The following HEPH variants were observed in gnomAD, a reference collection of about 807,000 sequenced individuals.
The protein encoded by HEPH is hephaestin.
A neutral mutation model predicts 80.8 loss-of-function variants in HEPH; 69 were observed. The ratio of observed to expected loss-of-function variants is 0.85; its 90% CI spans 0.70 to 1.04. HEPH has a LOEUF of 1.04. Among genes scored for constraint, HEPH ranks in the 50% least tolerant of loss-of-function variants. The pLI, the probability that HEPH is intolerant of heterozygous loss-of-function variation, is 0.00. For missense variants in HEPH, 1,115 were observed against 891.3 expected (o/e 1.25, Z -3.20); for synonymous variants, 431 against 322.8 (o/e 1.34, Z -3.60).
chrX:66,210,663 G>T (rs190415975), intron 15 of HEPH, among the ~76,000 whole-genome samples: 27 of 111,635 alleles, frequency 2.4e-4, no homozygotes, highest in African/African-American at 8.8e-4. Context: ...AGGTTGTAGT[G>T]ATCTACAAGT....
At chrX:66,218,929 A>C (rs1161331530) in intron 15 of HEPH, among the ~76,000 whole-genome samples, 1 of 112,010 alleles carries the variant, frequency 8.9e-6, no homozygotes, top group Non-Finnish European at 1.9e-5. Context: ...TGTGGATTTC[A>C]TTTCTGCCTT....
chrX:66,170,378 C>A (rs1394398957), intron 1 of HEPH, 180 bp from the exon 2 acceptor site: 4 of 399,864 alleles, frequency 1.0e-5, no homozygotes, highest in African/African-American at 2.5e-5. Flanking sequence ...CCTTCAAAAT[C>A]CAATCATTGA....
chrX:66,256,579 C>T (rs755280368), intron 17 of HEPH, among the ~76,000 whole-genome samples: 5 of 111,592 alleles, frequency 4.5e-5, no homozygotes, highest in South Asian at 3.8e-4. Flanking sequence ...ATTGCCATGG[C>T]GATACCAGAA....
intron 17 of HEPH, among the ~76,000 whole-genome samples, chrX:66,257,485 AT>A (rs1402367117): frequency 8.9e-6 from 1 of 112,277 alleles, no homozygotes; most frequent in African/African-American, 3.2e-5. Flanking sequence ...TTAAGATCAA[AT>A]GTGAACCTTA....
chrX:66,189,580 TATAA>T, intron 5 of HEPH, 100 bp from the exon 6 acceptor site: 1 of 912,729 alleles, frequency 1.1e-6, no homozygotes, highest in East Asian at 3.1e-5. Context: ...GTGTGCTGTT[TATAA>T]CCTCATTTAA....
chrX:66,248,276 C>T (rs2090885918), intron 15 of HEPH, among the ~76,000 whole-genome samples: 1 of 111,687 alleles, frequency 9.0e-6, no homozygotes, highest in African/African-American at 3.3e-5. Flanking sequence ...AGAAATAAAC[C>T]ATTTTTAAGT....
rs2087835422 is a variant in HEPH, at chrX:66,192,285, A to C, written c.1219A>C (p.Arg407=). ...TGATGGGAGTACTGGGAAGAATTTG[A>C]GAGAGCCAGGCAGGTAAGAGGCAGT... is the stretch of plus-strand genomic sequence containing the variant. The part of the protein sequence containing the change: ...GHDGSTGKNL[R]EPGSISDKFF... The change falls in exon 7 of 21, where the codon AGA becomes CGA. Residue 407 remains arginine, a synonymous_variant. Transcript: ENST00000343002. 8.3e-7 allele frequency: 1 copy of C among 1,208,793 alleles called. No homozygotes were observed. Among genetic ancestry groups the C allele is most frequent in the Non-Finnish European group, 1.1e-6 (1 of 893,249 alleles).
At chrX:66,258,174 G>A (rs2091243177) in intron 17 of HEPH, among the ~76,000 whole-genome samples, 1 of 111,434 alleles carries the variant, frequency 9.0e-6, no homozygotes, top group Non-Finnish European at 1.9e-5. Flanking sequence ...TAGTCTAATT[G>A]GGGATGTAAG....
chrX:66,260,990 A>G (rs777863076), intron 19 of HEPH, among the ~76,000 whole-genome samples: 8 of 110,722 alleles, frequency 7.2e-5, no homozygotes, highest in Admixed American at 9.6e-5. Flanking sequence ...CTGGTTCTAA[A>G]CTCTTGGCCT....
intron 10 of HEPH, among the ~76,000 whole-genome samples, chrX:66,198,233 T>C (rs1448960648): frequency 9.8e-6 from 1 of 102,109 alleles, no homozygotes; most frequent in Non-Finnish European, 2.0e-5. Flanking sequence ...TAAACCTTGC[T>C]CCTGATCCAT....
intron 13 of HEPH, among the ~76,000 whole-genome samples, chrX:66,204,693 T>C (rs1213237544): frequency 8.9e-6 from 1 of 111,956 alleles, no homozygotes; most frequent in Non-Finnish European, 1.9e-5. Context: ...AAGCCACAAT[T>C]GAATTATCAG....
chrX:66,233,616 A>T (rs985814150), intron 15 of HEPH, among the ~76,000 whole-genome samples: 1 of 110,867 alleles, frequency 9.0e-6, no homozygotes, highest in African/African-American at 3.3e-5. Flanking sequence ...TAACATAAAA[A>T]AATTTAAGTA....
At chrX:66,264,271 A>AAT (rs1485986626) in intron 20 of HEPH, among the ~76,000 whole-genome samples, 1 of 105,779 alleles carries the variant, frequency 9.5e-6, no homozygotes. Context: ...ATATATGTAA[A>AAT]ATATATATAT....
chrX:66,246,555 G>A lies in HEPH; in HGVS notation c.2564-8480G>A, dbSNP rs1007355413. Among the ~76,000 whole-genome samples the A allele has an allele frequency of 6.3e-5, 7 of 111,144 alleles. No individual in the cohort carries two copies. In the Admixed American group the frequency reaches 6.7e-4, roughly 11 times the overall value. On this transcript the variant is annotated intron_variant, in intron 15 of 20. Transcript: ENST00000343002. ...AAGAGTTTCCCCTGCAAAGCATCCAGGTGGTCCTCTGCCTCAGTCTAGAAG... is the reference window on the plus strand; with the variant it reads ...AAGAGTTTCCCCTGCAAAGCATCCAAGTGGTCCTCTGCCTCAGTCTAGAAG...
At chrX:66,165,751 G>C (rs1327306996) in intron 1 of HEPH, among the ~76,000 whole-genome samples, 1 of 111,569 alleles carries the variant, frequency 9.0e-6, no homozygotes, top group Non-Finnish European at 1.9e-5. Context: ...AAATAGCCTA[G>C]AATTTTTCTT....
chrX:66,266,608 A>G lies in HEPH; in HGVS notation c.3413A>G (p.Lys1138Arg). 5.0e-6 allele frequency: 6 copies of G among 1,210,230 alleles called. No homozygotes were observed. The highest frequency in any genetic ancestry group is 6.7e-6 in the Non-Finnish European group (6 of 894,845). Reference sequence around the variant, plus strand: ...GTTTGGTACCAACATCGACAGAGAAAGCTACGACGCAATAGGAGGTCCATC... The same window carrying G: ...GTTTGGTACCAACATCGACAGAGAAGGCTACGACGCAATAGGAGGTCCATC... ...GVVWYQHRQR[K>R]LRRNRRSILD... is the part of the protein sequence containing the mutation. Residue 1138 changes from lysine to arginine, a missense_variant, in exon 21 of 21, where the codon AAG (lysine) becomes AGG (arginine). Transcript: ENST00000343002.
Position 66,266,543 on chromosome X carries a change from T to C in HEPH, c.3348T>C (p.Ser1116=). The C allele has an allele frequency of 8.3e-6, 10 of 1,209,840 alleles. No homozygotes were observed. The highest frequency in any genetic ancestry group is 1.1e-5 in the Non-Finnish European group (10 of 894,200). ...TGGCCTCTGTTTTGGTTGCCATTAG[T>C]GTCACCCTTCTGCTCGTTGTTCTGG... is the stretch of plus-strand genomic sequence containing the variant. ...EMLASVLVAI[S]VTLLLVVLAL... Residue 1116 remains serine, a synonymous_variant, in exon 21 of 21, where the codon AGT becomes AGC. Transcript: ENST00000343002.
chrX:66,174,747 T>G (rs780739288), intron 4 of HEPH, among the ~76,000 whole-genome samples: 41 of 112,194 alleles, frequency 3.7e-4, no homozygotes, highest in Non-Finnish European at 6.8e-4. Flanking sequence ...TGGTTTTGAC[T>G]TGCATTTCCC....
rs967351755 is a variant in HEPH, at chrX:66,216,204, G to A, written c.2563+7958G>A. Among the ~76,000 whole-genome samples, 7 of 111,547 alleles carry A rather than the reference G, an allele frequency of 6.3e-5. No homozygotes were observed. The Admixed American group carries it at 6.6e-4, about 11-fold the overall frequency. On this transcript the variant is annotated intron_variant, in intron 15 of 20. Coordinates refer to ENST00000343002, the MANE Select transcript of HEPH (RefSeq NM_001367233.3). Reference sequence around the variant, plus strand: ...CACTTATCCAAAGGCGACCCTATGAGAAGCATGTATCCTCCCTACACACCT... The same window carrying A: ...CACTTATCCAAAGGCGACCCTATGAAAAGCATGTATCCTCCCTACACACCT...
Sources: allele counts gnomAD v4.1 joint callset (sites outside exome capture counted in the v4.1 genomes callset), GRCh38; gene constraint gnomAD v4.1.1; transcripts MANE v1.5; gene names NCBI Gene and HGNC (gene_info 2026-07-23, HGNC 2026-07-21).